Variants in ARHGAP10 observed in about 807,000 individuals in gnomAD.
ARHGAP10 encodes the protein rho GTPase-activating protein 10.
Under a neutral mutation model 108.6 loss-of-function variants are expected in ARHGAP10, and 87 were observed. That is an observed-to-expected ratio of 0.80 (90% CI 0.67 to 0.96). The LOEUF (loss-of-function observed/expected upper bound fraction) is 0.96, where lower values mean the gene tolerates loss of function less well. Among genes scored for constraint, ARHGAP10 ranks in the 40% least tolerant of loss-of-function variants. The pLI, the probability that ARHGAP10 is intolerant of heterozygous loss-of-function variation, is 0.00. For synonymous variants in ARHGAP10, 347 were observed against 341.1 expected (o/e 1.02, Z -0.19); for missense variants, 939 against 954.5 (o/e 0.98, Z 0.21).
intron 1 of ARHGAP10, among the ~76,000 whole-genome samples, chr4:147,749,843 T>C (rs1298760755): frequency 6.6e-6 from 1 of 152,266 alleles, no homozygotes; most frequent in Non-Finnish European, 1.5e-5. Flanking sequence ...TAGAATCGAC[T>C]GTTGTGGCTT....
At chr4:147,950,861 T>C (rs1345110364) in intron 15 of ARHGAP10, among the ~76,000 whole-genome samples, 2 of 152,196 alleles carry the variant, frequency 1.3e-5, no homozygotes, top group African/African-American at 2.4e-5. Context: ...ATGTTTCTAG[T>C]CAAATGATTT....
At chr4:147,997,960 G>GA (rs1369352556) in intron 18 of ARHGAP10, among the ~76,000 whole-genome samples, 2 of 151,992 alleles carry the variant, frequency 1.3e-5, no homozygotes, top group Non-Finnish European at 1.5e-5. Context: ...AGAATATCTA[G>GA]AAAAAATATT....
rs2126999050 is a variant in ARHGAP10 at position 147,966,814 on chromosome 4, A to C, written c.1691A>C (p.Glu564Ala). ...MDLKFQNIVV[E>A]ILIENHEKIF... ...TTGAAGTTTCAGAATATTGTTGTGG[A>C]AATCTTAATTGAAAACCATGAAAAG... The change falls in exon 18 of 23, where the codon GAA becomes GCA. Residue 564 changes from glutamate to alanine, a missense_variant. By Grantham distance (107) the Glu-to-Ala change is moderately radical. Transcript: ENST00000336498. The C allele has an allele frequency of 6.3e-7, 1 of 1,577,906 alleles. No homozygotes were observed. The highest frequency in any genetic ancestry group is 2.3e-5 in the East Asian group (1 of 44,438).
At chr4:147,770,812 G>A (rs1451358932) in intron 1 of ARHGAP10, among the ~76,000 whole-genome samples, 1 of 152,154 alleles carries the variant, frequency 6.6e-6, no homozygotes, top group East Asian at 1.9e-4. Flanking sequence ...GACAGCCATA[G>A]CCGAGTACCA....
chr4:148,066,432 G>T (rs532066279), intron 22 of ARHGAP10, among the ~76,000 whole-genome samples: 2 of 152,222 alleles, frequency 1.3e-5, no homozygotes, highest in Non-Finnish European at 2.9e-5. Flanking sequence ...AGCCAATGCA[G>T]ATCTGCCAGT....
chr4:147,776,424 T>A (rs1285234232), intron 1 of ARHGAP10, among the ~76,000 whole-genome samples: 1 of 152,164 alleles, frequency 6.6e-6, no homozygotes, highest in African/African-American at 2.4e-5. Flanking sequence ...TTTACCATGT[T>A]GGCCAGGCTG....
chr4:148,043,757 T>C (rs1728754145), intron 19 of ARHGAP10, among the ~76,000 whole-genome samples: 1 of 142,896 alleles, frequency 7.0e-6, no homozygotes, highest in Non-Finnish European at 1.5e-5. Flanking sequence ...TATATATGTA[T>C]ATATATGTGT....
At chr4:147,766,043 G>A (rs1295679334) in intron 1 of ARHGAP10, among the ~76,000 whole-genome samples, 1 of 152,122 alleles carries the variant, frequency 6.6e-6, no homozygotes, top group Non-Finnish European at 1.5e-5. Flanking sequence ...CACTTTGGTA[G>A]TCTGAGGCCG....
At chr4:147,954,307 A>G (rs1738711953) in intron 15 of ARHGAP10, among the ~76,000 whole-genome samples, 1 of 151,928 alleles carries the variant, frequency 6.6e-6, no homozygotes, top group Non-Finnish European at 1.5e-5. Flanking sequence ...CTCTCTGATT[A>G]TAGTTGTGGA....
chr4:148,072,206 C>A lies in ARHGAP10; in HGVS notation c.*125C>A. 1.6e-6 allele frequency: 1 copy of A among 615,852 alleles called. No individual in the cohort carries two copies. The highest frequency in any genetic ancestry group is 2.7e-6 in the Non-Finnish European group (1 of 373,474). The allele number at this position is 615,852 out of a possible 1,614,324, so 38.1% of individuals were successfully genotyped here. On this transcript the variant is annotated 3_prime_UTR_variant, in exon 23 of 23. Coordinates refer to ENST00000336498, the MANE Select transcript of ARHGAP10 (RefSeq NM_024605.4). ...TACCTCCACACTTGGGAGTTACCAT[C>A]ATCACAGTCAGCCCTGGGGGTGGGG...
rs1180015592 is a variant in ARHGAP10 at position 147,798,721 on chromosome 4, GAC to G, written c.155-24003_155-24002del. Among the ~76,000 whole-genome samples the G allele has an allele frequency of 5.5e-3, 642 of 115,888 alleles. 59 individuals carry two copies. The highest frequency in any genetic ancestry group is 0.022 in the African/African-American group (449 of 20,532). The allele number at this position is 115,888 out of a possible 152,430, so 76.0% of individuals were successfully genotyped here. A position where few individuals can be genotyped will look rare whatever the true frequency, so the allele number is the denominator to read the frequency against. On this transcript the variant is annotated intron_variant, in intron 1 of 22. Coordinates refer to ENST00000336498, the MANE Select transcript of ARHGAP10 (RefSeq NM_024605.4). ...GCATTACGTGAGGTCAGGAGTTTGAGACACTCTCTCTCTCTCTCTCTCTCTCT... is the reference window on the plus strand; with the variant it reads ...GCATTACGTGAGGTCAGGAGTTTGAGACTCTCTCTCTCTCTCTCTCTCTCT...
intron 1 of ARHGAP10, among the ~76,000 whole-genome samples, chr4:147,776,932 C>T (rs746157277): frequency 1.8e-4 from 27 of 152,162 alleles, no homozygotes; most frequent in Non-Finnish European, 3.7e-4. Flanking sequence ...CTCTGTCCTA[C>T]GAGAGAGCGT....
chr4:147,921,870 C>T (rs1002964635), intron 13 of ARHGAP10, among the ~76,000 whole-genome samples: 2 of 152,104 alleles, frequency 1.3e-5, no homozygotes, highest in Admixed American at 1.3e-4. Flanking sequence ...AGCTTTACAC[C>T]ACCTTTCCTC....
chr4:148,019,967 T>C (rs920258079), intron 18 of ARHGAP10, among the ~76,000 whole-genome samples: 3 of 152,210 alleles, frequency 2.0e-5, no homozygotes, highest in Non-Finnish European at 4.4e-5. Context: ...AGAAGTGTTA[T>C]GAATTTCAAT....
intron 1 of ARHGAP10, among the ~76,000 whole-genome samples, chr4:147,790,045 A>T (rs113401081): frequency 1.4e-5 from 2 of 143,114 alleles, no homozygotes; most frequent in Admixed American, 7.4e-5. Context: ...TCAGGCTGCC[A>T]TAACAAAATA....
chr4:147,744,356 T>G, intron 1 of ARHGAP10, among the ~76,000 whole-genome samples: 1 of 151,584 alleles, frequency 6.6e-6, no homozygotes, highest in Non-Finnish European at 1.5e-5. Context: ...GGAATCTGCA[T>G]TGAGGATAAG....
chr4:147,947,142 G>A (rs1415025754), intron 15 of ARHGAP10, among the ~76,000 whole-genome samples: 1 of 151,418 alleles, frequency 6.6e-6, no homozygotes, highest in Non-Finnish European at 1.5e-5. Flanking sequence ...ACTTGGTGAG[G>A]TTTTAAGATA....
At chr4:147,927,318 C>A (rs2126943329) in intron 13 of ARHGAP10, among the ~76,000 whole-genome samples, 1 of 152,150 alleles carries the variant, frequency 6.6e-6, no homozygotes, top group East Asian at 1.9e-4. Context: ...GCCTTTTTTC[C>A]ATAACAACTG....
At chr4:147,795,378 A>G (rs1185524014) in intron 1 of ARHGAP10, among the ~76,000 whole-genome samples, 2 of 151,962 alleles carry the variant, frequency 1.3e-5, no homozygotes, top group Non-Finnish European at 2.9e-5. Flanking sequence ...TTCCTACAAA[A>G]CTTCCTGTAA....
Sources: allele counts gnomAD v4.1 joint callset (sites outside exome capture counted in the v4.1 genomes callset), GRCh38; gene constraint gnomAD v4.1.1; transcripts MANE v1.5; gene names NCBI Gene and HGNC (gene_info 2026-07-23, HGNC 2026-07-21).